CA5A: variants seen among roughly 807,000 people sequenced by gnomAD.
The protein encoded by CA5A is carbonic anhydrase 5A, mitochondrial.
In CA5A, 28 loss-of-function variants were observed where a neutral mutation model predicts 37.1. The ratio of observed to expected loss-of-function variants is 0.75; its 90% CI spans 0.56 to 1.03. The LOEUF is 1.03. Ranked by LOEUF, CA5A falls within the 50% of genes least tolerant of loss-of-function variation. CA5A has a pLI of 0.00. For synonymous variants in CA5A, 171 were observed against 158.4 expected (o/e 1.08, Z -0.60); for missense variants, 444 against 399.9 (o/e 1.11, Z -0.94).
chr16:87,916,631 G>A (rs1251375370), intron 2 of CA5A, among the ~76,000 whole-genome samples: 1 of 152,206 alleles, frequency 6.6e-6, no homozygotes, highest in East Asian at 1.9e-4. Flanking sequence ...GTAAACTTGT[G>A]TAGAGAAGTA....
chr16:87,906,171 A>G (rs954742855), intron 2 of CA5A, among the ~76,000 whole-genome samples: 2 of 152,084 alleles, frequency 1.3e-5, no homozygotes, highest in African/African-American at 4.8e-5. Context: ...GCGCCAGCAG[A>G]ACTGGAGCAC....
intron 5 of CA5A, among the ~76,000 whole-genome samples, chr16:87,899,554 T>C (rs1236735064): frequency 4.0e-5 from 6 of 150,608 alleles, no homozygotes; most frequent in African/African-American, 1.5e-4. Flanking sequence ...AAGCCCGCCT[T>C]GGCCTCCCAA....
At chr16:87,917,723 G>A (rs62058267) in intron 2 of CA5A, among the ~76,000 whole-genome samples, 67 of 74,620 alleles carry the variant, frequency 9.0e-4, no homozygotes, top group African/African-American at 2.7e-3. Context: ...ATGAACACGT[G>A]CACACACACA....
At chr16:87,923,682 A>G (rs540782894) in intron 2 of CA5A, 2 of 985,434 alleles carry the variant, frequency 2.0e-6, no homozygotes, top group African/African-American at 1.7e-5. Context: ...TTGGGAATTT[A>G]TTTTGTAAAA....
At chr16:87,915,841 G>A (rs1029484167) in intron 2 of CA5A, among the ~76,000 whole-genome samples, 2 of 151,656 alleles carry the variant, frequency 1.3e-5, no homozygotes, top group Admixed American at 6.6e-5. Flanking sequence ...TTCAAAATAA[G>A]CCAATAACAT....
At chr16:87,924,360 G>C in intron 2 of CA5A, 1 of 969,872 alleles carries the variant, frequency 1.0e-6, no homozygotes, top group Non-Finnish European at 1.2e-6. Flanking sequence ...GAGAGACACT[G>C]GAAGGACCAA....
At chr16:87,932,961 T>G (rs192882054) in intron 1 of CA5A, among the ~76,000 whole-genome samples, 2,959 of 152,292 alleles carry the variant, frequency 0.019, 92 homozygotes, top group African/African-American at 0.068. Flanking sequence ...TGGGCACCGC[T>G]GGCCTCGCCC....
chr16:87,893,430 C>A, intron 5 of CA5A: 1 of 519,504 alleles, frequency 1.9e-6, no homozygotes. Context: ...CCCGGCTTGC[C>A]TGGAGACATT....
chr16:87,927,091 C>T, intron 1 of CA5A, 146 bp from the exon 2 acceptor site: 2 of 622,088 alleles, frequency 3.2e-6, no homozygotes, highest in South Asian at 1.9e-5. Flanking sequence ...CGTGGGGGCC[C>T]CTGCGCAGCG....
intron 1 of CA5A, among the ~76,000 whole-genome samples, chr16:87,932,694 C>T (rs1227891998): frequency 3.9e-5 from 6 of 151,960 alleles, no homozygotes; most frequent in African/African-American, 1.2e-4. Context: ...GAATCAAAGA[C>T]GCCAAGTCCC....
At chr16:87,931,755 G>A (rs1021636650) in intron 1 of CA5A, among the ~76,000 whole-genome samples, 7 of 152,192 alleles carry the variant, frequency 4.6e-5, no homozygotes, top group African/African-American at 1.4e-4. Context: ...TGACTAAGCC[G>A]GCGCTGGGAA....
At chr16:87,920,344 G>A (rs565589294) in intron 2 of CA5A, among the ~76,000 whole-genome samples, 26 of 152,262 alleles carry the variant, frequency 1.7e-4, no homozygotes, top group African/African-American at 3.1e-4. Context: ...ACAATGTCTC[G>A]CTCTGTCGCC....
At chr16:87,917,325 C>G (rs1183691794) in intron 2 of CA5A, among the ~76,000 whole-genome samples, 1 of 152,116 alleles carries the variant, frequency 6.6e-6, no homozygotes, top group East Asian at 1.9e-4. Flanking sequence ...CTGGGCCAAT[C>G]AGAGTCACTG....
chr16:87,908,297 C>A (rs958581056), intron 2 of CA5A, among the ~76,000 whole-genome samples: 1 of 152,186 alleles, frequency 6.6e-6, no homozygotes. Context: ...GCCTCTCTAC[C>A]TGTTAAATGA....
At chr16:87,931,452 G>A (rs1267359316) in intron 1 of CA5A, among the ~76,000 whole-genome samples, 2 of 152,154 alleles carry the variant, frequency 1.3e-5, no homozygotes, top group Admixed American at 6.5e-5. Flanking sequence ...TGTGCAGTGG[G>A]GAAGACACAT....
At chr16:87,883,968 G>T (rs562263769), downstream of CA5A, 1 of 151,708 alleles carries the variant, frequency 6.6e-6, no homozygotes, top group Non-Finnish European at 1.5e-5. Context: ...TATCTCCCCG[G>T]AATGAAATGG....
At chr16:87,908,400 C>CG in intron 2 of CA5A, among the ~76,000 whole-genome samples, 1 of 152,280 alleles carries the variant, frequency 6.6e-6, no homozygotes, top group East Asian at 1.9e-4. Flanking sequence ...CATCGCACAC[C>CG]CTTCAGGGGC....
intron 2 of CA5A, among the ~76,000 whole-genome samples, chr16:87,921,871 TA>T (rs1567532943): frequency 0.012 from 884 of 73,030 alleles, 11 homozygotes; most frequent in African/African-American, 0.045. Context: ...TTATTATTAT[TA>T]TTATTATTTT....
intron 5 of CA5A, among the ~76,000 whole-genome samples, chr16:87,896,084 T>C (rs1229741380): frequency 6.6e-6 from 1 of 152,242 alleles, no homozygotes; most frequent in African/African-American, 2.4e-5. Context: ...TCTGAGCAAC[T>C]ACTTCAAATC....
Sources: gnomAD v4.1 joint callset for allele counts (sites outside exome capture counted in the v4.1 genomes callset) on GRCh38, gnomAD v4.1.1 for gene constraint, MANE v1.5 for transcripts, NCBI Gene and HGNC (gene_info 2026-07-23, HGNC 2026-07-21) for gene names.